The following ARHGAP24 variants were observed in gnomAD, a reference collection of about 807,000 sequenced individuals.
ARHGAP24 encodes the protein Rho GTPase activating protein 24, also known as rho GTPase-activating protein 24.
In ARHGAP24, 50 loss-of-function variants were observed where a neutral mutation model predicts 76.4. That is an observed-to-expected ratio of 0.65 (90% CI 0.52 to 0.83). The LOEUF (loss-of-function observed/expected upper bound fraction) is 0.83. Ranked by LOEUF, ARHGAP24 falls within the 40% of genes least tolerant of loss-of-function variation. The probability of loss-of-function intolerance (pLI) is 0.00; values close to 1 mark genes in which losing one functional copy is unlikely to be tolerated. For synonymous variants in ARHGAP24, 345 were observed against 323.3 expected, an observed-to-expected ratio of 1.07 and a Z score of -0.72; for missense variants, 930 against 914.2, an observed-to-expected ratio of 1.02 and a Z score of -0.22.
intron 3 of ARHGAP24, among the ~76,000 whole-genome samples, chr4:85,853,472 G>A (rs1002481406): frequency 3.3e-5 from 5 of 152,148 alleles, no homozygotes; most frequent in African/African-American, 1.2e-4. Context: ...CTCACCCTCT[G>A]TGGGGTGTAC....
intron 3 of ARHGAP24, among the ~76,000 whole-genome samples, chr4:85,922,914 C>A (rs144414488): frequency 1.3e-5 from 2 of 152,270 alleles, no homozygotes; most frequent in East Asian, 3.9e-4. Flanking sequence ...ATGAATTGTT[C>A]TTTGGGGAAA....
At chr4:85,980,919 C>T (rs1739623600) in intron 8 of ARHGAP24, among the ~76,000 whole-genome samples, 1 of 152,220 alleles carries the variant, frequency 6.6e-6, no homozygotes. Context: ...CCAAACCCAA[C>T]TAGCACCATA....
chr4:85,776,213 G>A (rs1261812478), intron 3 of ARHGAP24, among the ~76,000 whole-genome samples: 2 of 152,132 alleles, frequency 1.3e-5, no homozygotes, highest in Non-Finnish European at 2.9e-5. Flanking sequence ...TGAAAACTGA[G>A]AGGAGGAGAT....
intron 2 of ARHGAP24, among the ~76,000 whole-genome samples, chr4:85,571,332 T>G (rs556028010): frequency 6.6e-6 from 1 of 152,252 alleles, no homozygotes; most frequent in Admixed American, 6.5e-5. Context: ...GTCTCAAGAC[T>G]GCAATGAGAG....
At chr4:85,813,822 A>T (rs1203043727) in intron 3 of ARHGAP24, among the ~76,000 whole-genome samples, 3 of 111,694 alleles carry the variant, frequency 2.7e-5, no homozygotes, top group South Asian at 2.7e-4. Context: ...TTTATTTTAT[A>T]TATATATATA....
At chr4:85,872,595 C>CTTTTTTTT (rs5860005) in intron 3 of ARHGAP24, among the ~76,000 whole-genome samples, 1 of 73,166 alleles carries the variant, frequency 1.4e-5, no homozygotes, top group Non-Finnish European at 2.4e-5. Flanking sequence ...TGCATCTGGC[C>CTTTTTTTT]TTTTTTTTTT....
At chr4:85,570,402 CTT>C (rs1727086994) in intron 1 of ARHGAP24, 118 bp from the exon 2 acceptor site, 5 of 169,462 alleles carry the variant, frequency 3.0e-5, no homozygotes, top group Non-Finnish European at 4.7e-5. Context: ...TTCTTTCTTT[CTT>C]TCTTTCTTTC....
At chr4:85,734,653 T>TTTTTA (rs1158017233) in intron 3 of ARHGAP24, among the ~76,000 whole-genome samples, 1 of 149,042 alleles carries the variant, frequency 6.7e-6, no homozygotes, top group South Asian at 2.1e-4. Context: ...TTTTTTTTTT[T>TTTTTA]TTTTTTAGCA....
chr4:85,869,209 C>T lies in ARHGAP24; in HGVS notation c.269-54439C>T, dbSNP rs753075784. On this transcript the variant is annotated intron_variant, in intron 3 of 9. Transcript: ENST00000395184. ...TTTCTATATCTGACGTAACAAGAAG[C>T]GCAGATGTAGATTAACAGTGCTTCG... Among the ~76,000 whole-genome samples, 35 of 152,188 alleles carry T rather than the reference C, an allele frequency of 2.3e-4. No homozygotes were observed. The East Asian group carries it at 2.3e-3, about 10-fold the overall frequency.
intron 2 of ARHGAP24, among the ~76,000 whole-genome samples, chr4:85,599,205 T>C (rs1719951024): frequency 2.0e-5 from 3 of 151,982 alleles, no homozygotes; most frequent in Admixed American, 2.0e-4. Flanking sequence ...TGTGGAGAGA[T>C]GTTTAGAAGA....
intron 1 of ARHGAP24, among the ~76,000 whole-genome samples, chr4:85,566,558 G>A (rs572315048): frequency 5.9e-5 from 9 of 152,294 alleles, no homozygotes; most frequent in Admixed American, 2.6e-4. Flanking sequence ...TGAAAAAGAA[G>A]CCTCTAAAAT....
At chr4:85,750,050 G>C (rs1221546723) in intron 3 of ARHGAP24, among the ~76,000 whole-genome samples, 1 of 152,024 alleles carries the variant, frequency 6.6e-6, no homozygotes, top group Non-Finnish European at 1.5e-5. Flanking sequence ...CTCACGTACT[G>C]TGCCTGGCAC....
intron 1 of ARHGAP24, among the ~76,000 whole-genome samples, chr4:85,491,778 T>C (rs1723367150): frequency 6.6e-6 from 1 of 152,220 alleles, no homozygotes; most frequent in African/African-American, 2.4e-5. Context: ...TCTGGAGTGC[T>C]ATCTCATTGA....
At chr4:85,911,847 T>C (rs866805548) in intron 3 of ARHGAP24, among the ~76,000 whole-genome samples, 1 of 152,192 alleles carries the variant, frequency 6.6e-6, no homozygotes, top group African/African-American at 2.4e-5. Flanking sequence ...TAATATTATC[T>C]AAAATTAGCA....
intron 1 of ARHGAP24, among the ~76,000 whole-genome samples, chr4:85,521,151 T>C (rs566731470): frequency 6.6e-6 from 1 of 152,238 alleles, no homozygotes; most frequent in South Asian, 2.1e-4. Flanking sequence ...TTAAATGGTC[T>C]TTTTCCCAAA....
At chr4:85,864,520 T>C (rs1732082286) in intron 3 of ARHGAP24, among the ~76,000 whole-genome samples, 1 of 152,108 alleles carries the variant, frequency 6.6e-6, no homozygotes, top group South Asian at 2.1e-4. Context: ...AGAATTACTC[T>C]CCTTTGGTTT....
In ARHGAP24 at chr4:85,775,196, G is replaced by A. The variant is rs567427707; in HGVS notation, c.268+53224G>A. Reference sequence around the variant, plus strand: ...GGGAGGATGCTTAACCAGAGTGGTCGGGAAATCTTCTTTCTGAGGAGGTGG... The same window carrying A: ...GGGAGGATGCTTAACCAGAGTGGTCAGGAAATCTTCTTTCTGAGGAGGTGG... On this transcript the variant is annotated intron_variant, in intron 3 of 9. Coordinates refer to ENST00000395184, the MANE Select transcript of ARHGAP24 (RefSeq NM_001025616.3). 6.2e-5 allele frequency among the ~76,000 whole-genome samples: 9 copies of A among 145,124 alleles called. No individual in the cohort carries two copies. The East Asian group carries it at 2.1e-3, about 33-fold the overall frequency.
chr4:85,823,338 AT>A (rs1165685197), intron 3 of ARHGAP24, among the ~76,000 whole-genome samples: 3 of 152,202 alleles, frequency 2.0e-5, no homozygotes, highest in Non-Finnish European at 4.4e-5. Flanking sequence ...GTATCATAAA[AT>A]ATCTTATGAA....
intron 3 of ARHGAP24, among the ~76,000 whole-genome samples, chr4:85,830,385 C>A (rs536052311): frequency 1.3e-5 from 2 of 152,326 alleles, no homozygotes; most frequent in African/African-American, 4.8e-5. Flanking sequence ...CCACTGTGTC[C>A]ATCGTGCCTA....
Sources: allele counts gnomAD v4.1 joint callset (sites outside exome capture counted in the v4.1 genomes callset), GRCh38; gene constraint gnomAD v4.1.1; transcripts MANE v1.5; gene names NCBI Gene and HGNC (gene_info 2026-07-23, HGNC 2026-07-21).